Variants in ARMC8 observed in about 807,000 individuals in gnomAD.
ARMC8 encodes armadillo repeat containing 8.
ARMC8 carries 20 observed loss-of-function variants against 99.3 expected under a neutral mutation model. The ratio of observed to expected loss-of-function variants is 0.20; its 90% confidence interval spans 0.14 to 0.29. The LOEUF is 0.29. ARMC8 is among the 10% of genes least tolerant of loss of function. ARMC8 has a pLI of 1.00. For missense variants in ARMC8, 569 were observed against 809.5 expected, an observed-to-expected ratio of 0.70 and a Z score of 3.60; for synonymous variants, 263 against 278.3, an observed-to-expected ratio of 0.95 and a Z score of 0.55.
intron 11 of ARMC8, among the ~76,000 whole-genome samples, chr3:138,242,903 AT>A (rs1235871123): frequency 6.6e-6 from 1 of 152,216 alleles, no homozygotes; most frequent in Non-Finnish European, 1.5e-5. Flanking sequence ...TGGTATTTGT[AT>A]TAGTAATGTA....
At chr3:138,226,499 G>A (rs913239824) in intron 5 of ARMC8, among the ~76,000 whole-genome samples, 2 of 152,150 alleles carry the variant, frequency 1.3e-5, no homozygotes, top group African/African-American at 2.4e-5. Flanking sequence ...TAACAAATTT[G>A]CAGGTAACTC....
rs138896157 is a variant in ARMC8, at chr3:138,283,345, C to G, written c.1726-1086C>G. On this transcript the variant is annotated intron_variant, in intron 18 of 21. Transcript: ENST00000469044. Reference sequence around the variant, plus strand: ...GAGAAAATTATGTGAGTCTGAATCCCAGCTTCACCTCTCATTCCTTTGAGG... The same window carrying G: ...GAGAAAATTATGTGAGTCTGAATCCGAGCTTCACCTCTCATTCCTTTGAGG... Among the ~76,000 whole-genome samples the G allele has an allele frequency of 1.2e-3, 184 of 152,318 alleles. 1 individual carries two copies. The highest frequency in any genetic ancestry group is 0.012 in the South Asian group (57 of 4,826).
intron 7 of ARMC8, among the ~76,000 whole-genome samples, chr3:138,236,970 G>T (rs375547428): frequency 1.1e-4 from 16 of 151,824 alleles, no homozygotes; most frequent in Admixed American, 6.6e-4. Context: ...TTTTTTATTC[G>T]CTTTGAAAGC....
intron 7 of ARMC8, among the ~76,000 whole-genome samples, chr3:138,236,753 C>T (rs1240538758): frequency 6.6e-6 from 1 of 151,606 alleles, no homozygotes; most frequent in Non-Finnish European, 1.5e-5. Context: ...AAAAAAACAT[C>T]TCTTAGGAGC....
chr3:138,263,238 C>T (rs1027246500), intron 12 of ARMC8, among the ~76,000 whole-genome samples: 3 of 152,218 alleles, frequency 2.0e-5, no homozygotes, highest in African/African-American at 2.4e-5. Flanking sequence ...AGCAGCACTT[C>T]GTGCTATAGT....
rs71146118 is a variant in ARMC8 at position 138,205,060 on chromosome 3, C to CTTTTTTTTTTTTTTTTTTTTT, written c.46-4751_46-4731dup. On this transcript the variant is annotated intron_variant, in intron 1 of 21. Transcript: ENST00000469044. The stretch of plus-strand genomic sequence containing the variant: ...AACTCAGTCTCTTTTCTTTTCTTTT[C>CTTTTTTTTTTTTTTTTTTTTT]TTTTTTTTTTTTTTTTTTTTTTTTT... Among the ~76,000 whole-genome samples the CTTTTTTTTTTTTTTTTTTTTT allele has an allele frequency of 3.2e-5, 3 of 93,284 alleles. 1 individual carries two copies. The highest frequency in any genetic ancestry group is 1.3e-4 in the African/African-American group (3 of 22,582). The allele number at this position is 93,284 out of a possible 152,430, so 61.2% of individuals were successfully genotyped here.
At position 138,241,857 on chromosome 3, in the gene ARMC8, T is replaced by C; in HGVS notation, c.912T>C (p.Leu304=). ...AGAGAGTTGAAGGAGCTGAGACACT[T>C]GCCTATCTGATTGAACCAGATGTTG... is the stretch of plus-strand genomic sequence containing the variant. ...LEERVEGAET[L]AYLIEPDVEL... Residue 304 remains leucine (L), a synonymous_variant, in exon 11 of 22, where the codon CTT becomes CTC. Transcript: ENST00000469044. 2 of 1,614,092 alleles carry C rather than the reference T, an allele frequency of 1.2e-6. No homozygotes were observed. The highest frequency in any genetic ancestry group is 4.5e-5 in the East Asian group (2 of 44,856).
At chr3:138,203,137 T>C (rs1301631705) in intron 1 of ARMC8, among the ~76,000 whole-genome samples, 1 of 152,198 alleles carries the variant, frequency 6.6e-6, no homozygotes, top group East Asian at 1.9e-4. Flanking sequence ...AAACAAAAGG[T>C]GGGATTGATT....
At chr3:138,298,374 T>C (rs1560076922), downstream of ARMC8, 1 of 152,230 alleles carries the variant, frequency 6.6e-6, no homozygotes, top group Non-Finnish European at 1.5e-5. Context: ...AGAAAAATCA[T>C]GGCAACTTCT....
At chr3:138,217,601 CTG>C (rs1008683410) in intron 2 of ARMC8, among the ~76,000 whole-genome samples, 4 of 152,142 alleles carry the variant, frequency 2.6e-5, no homozygotes, top group Non-Finnish European at 5.9e-5. Context: ...AGTTTAACCT[CTG>C]TGTAAATGTG....
At chr3:138,224,103 C>T (rs892656316) in intron 5 of ARMC8, among the ~76,000 whole-genome samples, 2 of 151,886 alleles carry the variant, frequency 1.3e-5, no homozygotes, top group South Asian at 2.1e-4. Flanking sequence ...GGATTACAGG[C>T]GCGTGCCACC....
chr3:138,197,336 A>T (rs535952505), intron 1 of ARMC8, among the ~76,000 whole-genome samples: 13 of 152,344 alleles, frequency 8.5e-5, no homozygotes, highest in African/African-American at 3.1e-4. Flanking sequence ...TGCCTGTAAG[A>T]ATCTGAAGCA....
intron 2 of ARMC8, among the ~76,000 whole-genome samples, chr3:138,216,200 T>C (rs1484714887): frequency 6.6e-6 from 1 of 152,082 alleles, no homozygotes; most frequent in Non-Finnish European, 1.5e-5. Context: ...TGAAACTACA[T>C]ATATTCCAAA....
chr3:138,229,432 G>A (rs1186305402), intron 6 of ARMC8, among the ~76,000 whole-genome samples: 1 of 148,224 alleles, frequency 6.7e-6, no homozygotes. Flanking sequence ...CCAGTCTTAT[G>A]CTATTACAAA....
intron 1 of ARMC8, among the ~76,000 whole-genome samples, chr3:138,199,948 A>G (rs1474857140): frequency 6.6e-6 from 1 of 152,130 alleles, no homozygotes; most frequent in Non-Finnish European, 1.5e-5. Context: ...TTGGTTTCAC[A>G]TTGTTTTAGG....
intron 2 of ARMC8, among the ~76,000 whole-genome samples, chr3:138,218,430 G>A (rs1390599356): frequency 6.6e-6 from 1 of 152,010 alleles, no homozygotes; most frequent in Admixed American, 6.6e-5. Context: ...ACCCTAAAGC[G>A]AACTTGTTTT....
At chr3:138,292,063 G>A (rs558158139) in intron 21 of ARMC8, among the ~76,000 whole-genome samples, 4 of 151,936 alleles carry the variant, frequency 2.6e-5, no homozygotes, top group African/African-American at 7.2e-5. Context: ...TCGAGATGGA[G>A]TTTCACTCTT....
intron 6 of ARMC8, among the ~76,000 whole-genome samples, chr3:138,234,356 C>T (rs2046221948): frequency 6.6e-6 from 1 of 152,148 alleles, no homozygotes. Flanking sequence ...CTGATTCACC[C>T]CCGGCAGCCT....
intron 18 of ARMC8, among the ~76,000 whole-genome samples, 154 bp from the exon 19 acceptor site, chr3:138,284,277 A>C (rs1013173983): frequency 6.6e-6 from 1 of 152,178 alleles, no homozygotes; most frequent in Non-Finnish European, 1.5e-5. Context: ...TACTGTTACT[A>C]GCAATGATGT....
Sources: allele counts gnomAD v4.1 joint callset (sites outside exome capture counted in the v4.1 genomes callset), GRCh38; gene constraint gnomAD v4.1.1; transcripts MANE v1.5; gene names NCBI Gene and HGNC (gene_info 2026-07-23, HGNC 2026-07-21).